The following MACROD2 variants were observed in gnomAD, a reference collection of about 807,000 sequenced individuals.
The protein encoded by MACROD2 is ADP-ribose glycohydrolase MACROD2.
Under a neutral mutation model 70.4 loss-of-function variants are expected in MACROD2, and 36 were observed. The observed-to-expected ratio is 0.51, with a 90% CI of 0.39 to 0.68. The LOEUF is 0.68. Among genes scored for constraint, MACROD2 ranks in the 30% least tolerant of loss-of-function variants. The probability of loss-of-function intolerance (pLI) is 0.00; values close to 1 mark genes in which losing one functional copy is unlikely to be tolerated. For missense variants in MACROD2, 496 were observed against 538.4 expected (o/e 0.92, Z 0.78); for synonymous variants, 172 against 178.8 (o/e 0.96, Z 0.30).
rs1364072519 is a variant in MACROD2, at chr20:15,055,966, T to C, written c.419-173974T>C. Among the ~76,000 whole-genome samples the C allele has an allele frequency of 4.3e-4, 65 of 152,048 alleles. 1 individual carries two copies. Among genetic ancestry groups the C allele is most frequent in the Admixed American group, 4.1e-3 (63 of 15,254 alleles). ...CATGCACAGCTAATTTTTGTATTTT[T>C]AGTAGAGACAAGGTTTCACCATGTT... is the stretch of plus-strand genomic sequence containing the variant. On this transcript the variant is annotated intron_variant, in intron 5 of 17. Coordinates refer to ENST00000684519, the MANE Select transcript of MACROD2 (RefSeq NM_001351661.2).
chr20:15,043,413 C>G (rs761141682), intron 5 of MACROD2, among the ~76,000 whole-genome samples: 29 of 152,176 alleles, frequency 1.9e-4, no homozygotes, highest in Admixed American at 8.5e-4. Context: ...ACAGGCCCCT[C>G]CAGTGTCCAT....
At chr20:14,406,043 G>A (rs1293327250) in intron 3 of MACROD2, among the ~76,000 whole-genome samples, 1 of 152,048 alleles carries the variant, frequency 6.6e-6, no homozygotes, top group Non-Finnish European at 1.5e-5. Flanking sequence ...TGGACTGATG[G>A]AAAATGAGAA....
At chr20:15,068,949 A>G (rs1381116829) in intron 5 of MACROD2, among the ~76,000 whole-genome samples, 1 of 152,182 alleles carries the variant, frequency 6.6e-6, no homozygotes, top group African/African-American at 2.4e-5. Flanking sequence ...AAAGTTTGCA[A>G]CTTCTTAGAG....
At chr20:14,673,656 C>T (rs2070822848) in intron 4 of MACROD2, among the ~76,000 whole-genome samples, 1 of 152,112 alleles carries the variant, frequency 6.6e-6, no homozygotes, top group Non-Finnish European at 1.5e-5. Context: ...CAGTGGCTCA[C>T]ACCTGTAATC....
chr20:14,662,536 A>G (rs756909054), intron 4 of MACROD2, among the ~76,000 whole-genome samples: 42 of 152,214 alleles, frequency 2.8e-4, no homozygotes, highest in Non-Finnish European at 5.6e-4. Flanking sequence ...GAAACTGTCA[A>G]CAGAATGAAC....
rs754224705 is a variant in MACROD2 at position 14,325,693 on chromosome 20, G to A, written c.272-167786G>A. 1 of 1,613,698 alleles carries A rather than the reference G, an allele frequency of 6.2e-7. No homozygotes were observed. Among genetic ancestry groups the A allele is most frequent in the East Asian group, 2.2e-5 (1 of 44,884 alleles). ...GGTGTGTATTACAAACTCCTCCTTC[G>A]AGATGGGTTCATTGCTTATTGGTAA... On this transcript the variant is annotated intron_variant, in intron 3 of 17. Coordinates refer to ENST00000684519, the MANE Select transcript of MACROD2 (RefSeq NM_001351661.2).
chr20:14,730,412 C>A (rs73262874), intron 5 of MACROD2, among the ~76,000 whole-genome samples: 68 of 152,192 alleles, frequency 4.5e-4, no homozygotes, highest in African/African-American at 1.5e-3. Flanking sequence ...ACCCACATGA[C>A]CAACAACCGT....
intron 3 of MACROD2, among the ~76,000 whole-genome samples, chr20:14,269,801 T>C (rs947629150): frequency 1.6e-5 from 2 of 126,012 alleles, no homozygotes; most frequent in Non-Finnish European, 3.9e-5. Flanking sequence ...GATAAACTTG[T>C]GGGTTTTTTT....
At chr20:14,377,778 A>G (rs538847465) in intron 3 of MACROD2, among the ~76,000 whole-genome samples, 68 of 152,360 alleles carry the variant, frequency 4.5e-4, no homozygotes, top group African/African-American at 1.6e-3. Context: ...TGCAATGAGT[A>G]TAACTTTATG....
Position 14,734,348 on chromosome 20 carries a change from A to C in MACROD2, c.418+49389A>C, listed in dbSNP as rs867114452. Among the ~76,000 whole-genome samples, 12 of 152,090 alleles carry C rather than the reference A, an allele frequency of 7.9e-5. No individual in the cohort carries two copies. The Middle Eastern group carries it at 0.014, about 172-fold the overall frequency. The stretch of plus-strand genomic sequence containing the variant: ...CCTGTCTCTACTAAAAATACGAAAA[A>C]AAATTAGCCACGTGTAGTGGCGGGT... On this transcript the variant is annotated intron_variant, in intron 5 of 17. Coordinates refer to ENST00000684519, the MANE Select transcript of MACROD2 (RefSeq NM_001351661.2).
intron 3 of MACROD2, among the ~76,000 whole-genome samples, chr20:14,437,082 A>AT (rs1422338844): frequency 6.6e-6 from 1 of 152,206 alleles, no homozygotes; most frequent in Non-Finnish European, 1.5e-5. Flanking sequence ...AGAAAGTATA[A>AT]TTAATGGCTC....
intron 8 of MACROD2, among the ~76,000 whole-genome samples, chr20:15,568,084 C>T (rs573484489): frequency 1.2e-3 from 181 of 152,286 alleles, no homozygotes; most frequent in Non-Finnish European, 2.2e-3. Context: ...AGCCACAGGG[C>T]CTGGGGTTCT....
intron 5 of MACROD2, among the ~76,000 whole-genome samples, chr20:15,049,155 G>A (rs760708657): frequency 4.0e-5 from 6 of 151,712 alleles, no homozygotes; most frequent in Admixed American, 6.6e-5. Flanking sequence ...AGTAAAAACA[G>A]GATAATAGTA....
intron 7 of MACROD2, among the ~76,000 whole-genome samples, chr20:15,470,168 G>C (rs1416325250): frequency 1.3e-5 from 2 of 152,108 alleles, no homozygotes; most frequent in Non-Finnish European, 2.9e-5. Context: ...TCCTGCCTCA[G>C]TCTCCCAAGT....
intron 3 of MACROD2, among the ~76,000 whole-genome samples, chr20:14,356,872 C>T: frequency 6.6e-6 from 1 of 152,172 alleles, no homozygotes; most frequent in East Asian, 1.9e-4. Context: ...GCTAGGAGCC[C>T]AGCCAGAGCT....
At chr20:15,594,526 T>C (rs1327823403) in intron 8 of MACROD2, among the ~76,000 whole-genome samples, 1 of 152,196 alleles carries the variant, frequency 6.6e-6, no homozygotes, top group African/African-American at 2.4e-5. Flanking sequence ...ATTCATAACA[T>C]GTGCGGGTTT....
At position 14,685,089 on chromosome 20, in the gene MACROD2, A is replaced by G. The variant is rs994434530; in HGVS notation, c.418+130A>G. 5.0e-5 allele frequency: 33 copies of G among 662,506 alleles called. No homozygotes were observed. In the Admixed American group the frequency reaches 8.6e-4, roughly 17 times the overall value. The allele number at this position is 662,506 out of a possible 1,614,324, so 41.0% of individuals were successfully genotyped here. A position where few individuals can be genotyped will look rare whatever the true frequency, so the allele number is the denominator to read the frequency against. On this transcript the variant is annotated intron_variant, in intron 5 of 17. Coordinates refer to ENST00000684519, the MANE Select transcript of MACROD2 (RefSeq NM_001351661.2). The stretch of plus-strand genomic sequence containing the variant: ...ATGTGCTTGAGTTCAGATTTTGTAC[A>G]TGGTAATAAAAACGTGCTTTCCAAG...
chr20:14,587,961 A>G (rs898073817), intron 4 of MACROD2, among the ~76,000 whole-genome samples: 5 of 152,108 alleles, frequency 3.3e-5, no homozygotes, highest in Non-Finnish European at 7.4e-5. Flanking sequence ...TTATGATTGT[A>G]GCTTCTAATT....
At chr20:15,660,559 C>T (rs76574811) in intron 8 of MACROD2, among the ~76,000 whole-genome samples, 46 of 152,278 alleles carry the variant, frequency 3.0e-4, no homozygotes, top group African/African-American at 1.0e-3. Context: ...TTAATTTCCT[C>T]GGAATGGTAT....
Sources: allele counts gnomAD v4.1 joint callset (sites outside exome capture counted in the v4.1 genomes callset), GRCh38; gene constraint gnomAD v4.1.1; transcripts MANE v1.5; gene names NCBI Gene and HGNC (gene_info 2026-07-23, HGNC 2026-07-21).